Variants in TRIM23 observed in about 807,000 individuals in gnomAD.
TRIM23 encodes tripartite motif containing 23.
TRIM23 carries 27 observed loss-of-function variants against 71.0 expected under a neutral mutation model. The ratio of observed to expected loss-of-function variants is 0.38; its 90% confidence interval spans 0.28 to 0.52. The LOEUF is 0.52. TRIM23 is among the 20% of genes least tolerant of loss of function. The probability of loss-of-function intolerance (pLI) is 0.84; values close to 1 mark genes in which losing one functional copy is unlikely to be tolerated. For synonymous variants in TRIM23, 234 were observed against 238.0 expected (o/e 0.98, Z 0.16); for missense variants, 482 against 692.3 (o/e 0.70, Z 3.41).
intron 6 of TRIM23, chr5:65,607,133 T>A (rs1754530008): frequency 6.6e-6 from 1 of 152,368 alleles, no homozygotes; most frequent in Middle Eastern, 3.4e-3. Context: ...TGATGTTCCA[T>A]CCATTCCTCT....
chr5:65,597,011 G>C, intron 8 of TRIM23, 40 bp downstream of exon 8: 1 of 1,606,506 alleles, frequency 6.2e-7, no homozygotes, highest in Non-Finnish European at 8.5e-7. Flanking sequence ...CTGTAAGCTA[G>C]GGTTTGTCTA....
intron 5 of TRIM23, 63 bp downstream of exon 5, chr5:65,610,798 T>C: frequency 7.1e-7 from 1 of 1,409,268 alleles, no homozygotes; most frequent in Non-Finnish European, 9.6e-7. Context: ...AATTACTTAG[T>C]AGAAGGTGAA....
intron 2 of TRIM23, among the ~76,000 whole-genome samples, chr5:65,614,600 C>T (rs1439837011): frequency 5.3e-5 from 8 of 151,650 alleles, no homozygotes; most frequent in African/African-American, 1.9e-4. Context: ...CCAGGTGTGG[C>T]GTCAGGCGCC....
intron 5 of TRIM23, 67 bp downstream of exon 5, chr5:65,610,794 T>A (rs187625577): frequency 7.2e-7 from 1 of 1,388,588 alleles, no homozygotes; most frequent in Admixed American, 2.4e-5. Flanking sequence ...CATTAATTAC[T>A]TAGTAGAAGG....
Position 65,597,063 on chromosome 5 carries a change from T to C in TRIM23, c.1297A>G (p.Ile433Val). The C allele has an allele frequency of 6.2e-7, 1 of 1,614,102 alleles. No homozygotes were observed. Among genetic ancestry groups the C allele is most frequent in the South Asian group, 1.1e-5 (1 of 91,074 alleles). Residue 433 changes from isoleucine to valine, a missense_variant, in exon 8 of 11, where the codon ATT becomes GTT. This residue lies in a region of TRIM23 where 307 missense variants were observed against 495.8 expected (regional missense o/e 0.62). Transcript: ENST00000231524. ...KLKQDEFMQP[I>V]PTIGFNVETV... ...TATTCATACTTACCAATTGTTGGAATGGGCTGCATGAATTCATCCTGTTTT... is the reference window on the plus strand; with the variant it reads ...TATTCATACTTACCAATTGTTGGAACGGGCTGCATGAATTCATCCTGTTTT...
intron 7 of TRIM23, among the ~76,000 whole-genome samples, chr5:65,603,682 CAT>C (rs1285846223): frequency 6.6e-6 from 1 of 151,708 alleles, no homozygotes; most frequent in Non-Finnish European, 1.5e-5. Context: ...ATTGTGAAAA[CAT>C]AATTAAATTA....
chr5:65,611,650 G>C lies in TRIM23; in HGVS notation c.598C>G (p.Leu200Val). 3 of 1,614,200 alleles carry C rather than the reference G, an allele frequency of 1.9e-6. No individual in the cohort carries two copies. The highest frequency in any genetic ancestry group is 2.5e-6 in the Non-Finnish European group (3 of 1,180,034). The stretch of plus-strand genomic sequence containing the variant: ...TATTCTTTGCAGACACAGCACATGA[G>C]TGGGCTAGTTTGACAACCTTCTTCC... The part of the protein sequence containing the change: ...CLEEGCQTSP[L>V]MCCVCKEYGK... The change falls in exon 4 of 11, where the codon CTC (leucine) becomes GTC (valine). Residue 200 changes from leucine to valine, a missense_variant. Leu to Val is a conservative substitution (Grantham distance 32). Coordinates refer to ENST00000231524, the MANE Select transcript of TRIM23 (RefSeq NM_001656.4).
At chr5:65,599,497 C>A (rs1754304632) in intron 7 of TRIM23, among the ~76,000 whole-genome samples, 1 of 151,960 alleles carries the variant, frequency 6.6e-6, no homozygotes, top group African/African-American at 2.4e-5. Context: ...ATGGCAAAAA[C>A]CACTATTACT....
In TRIM23 at chr5:65,594,603, C is replaced by T; in HGVS notation, c.1463G>A (p.Ser488Asn). 6.2e-7 allele frequency: 1 copy of T among 1,611,672 alleles called. No homozygotes were observed. Among genetic ancestry groups the T allele is most frequent in the Non-Finnish European group, 8.5e-7 (1 of 1,179,116 alleles). Residue 488 changes from serine (S) to asparagine (N), a missense_variant, in exon 10 of 11, where the codon AGT becomes AAT. This residue lies in a region of TRIM23 where 307 missense variants were observed against 495.8 expected (regional missense o/e 0.62). Coordinates refer to ENST00000231524, the MANE Select transcript of TRIM23 (RefSeq NM_001656.4). Reference protein sequence around the residue: ...VVDSSHRDRISEAHSELAKLL... With the variant: ...VVDSSHRDRINEAHSELAKLL... Reference sequence around the variant, plus strand: ...CTTTGCAAGTTCGCTGTGTGCTTCACTAATTCTGTCTCTATGACTGCTATC... The same window carrying T: ...CTTTGCAAGTTCGCTGTGTGCTTCATTAATTCTGTCTCTATGACTGCTATC...
chr5:65,595,293 C>T (rs899270340), intron 9 of TRIM23, among the ~76,000 whole-genome samples: 2 of 151,898 alleles, frequency 1.3e-5, no homozygotes, highest in African/African-American at 2.4e-5. Context: ...CGCGGTGGCT[C>T]GTGCCTCTAA....
chr5:65,591,718 G>A lies in TRIM23; in HGVS notation c.*51C>T, dbSNP rs755268241. The A allele has an allele frequency of 2.6e-6, 4 of 1,556,010 alleles. No homozygotes were observed. Among genetic ancestry groups the A allele is most frequent in the Non-Finnish European group, 3.5e-6 (4 of 1,147,740 alleles). ...TGTATAATTTCTTAAAACATACTATGTGCAAAGTTACTTTTAACCACAAAA... is the reference window on the plus strand; with the variant it reads ...TGTATAATTTCTTAAAACATACTATATGCAAAGTTACTTTTAACCACAAAA... On this transcript the variant is annotated 3_prime_UTR_variant, in exon 11 of 11. Coordinates refer to ENST00000231524, the MANE Select transcript of TRIM23 (RefSeq NM_001656.4).
chr5:65,598,002 T>G (rs1040987629), intron 7 of TRIM23, among the ~76,000 whole-genome samples: 3 of 152,216 alleles, frequency 2.0e-5, no homozygotes, highest in South Asian at 2.1e-4. Flanking sequence ...CTTACTCCTT[T>G]GAGCACTCTT....
Position 65,614,137 on chromosome 5 carries a change from C to T in TRIM23, c.327G>A (p.Gln109=). The change falls in exon 3 of 11, where the codon CAG becomes CAA. Residue 109 remains glutamine, a synonymous_variant. Coordinates refer to ENST00000231524, the MANE Select transcript of TRIM23 (RefSeq NM_001656.4). ...CAATGGATTCTTCTGCAGCTCCATA[C>T]TGACCAATAGGCCCATTCTGCAGTC... ...LERLQNGPIG[Q]YGAAEESIGI... The T allele has an allele frequency of 1.2e-6, 2 of 1,614,068 alleles. No individual in the cohort carries two copies. Among genetic ancestry groups the T allele is most frequent in the South Asian group, 2.2e-5 (2 of 91,084 alleles).
chr5:65,609,304 A>G lies in TRIM23; in HGVS notation c.983T>C (p.Met328Thr), dbSNP rs747495401. ...AGAAACCTCTGACAACAAAATAGTC[A>G]TATCTTCTTGTTGCTGCCTGAGCCA... is the stretch of plus-strand genomic sequence containing the variant. The part of the protein sequence containing the change: ...LIWLRQQQED[M>T]TILLSEVSAA... Residue 328 changes from methionine to threonine, a missense_variant, in exon 6 of 11, where the codon ATG becomes ACG. Physicochemically the swap from Met to Thr is moderately conservative, Grantham distance 81. Around this residue, in one of 2 missense-constraint regions of TRIM23, gnomAD observed 307 missense variants for 495.8 expected, o/e 0.62. Coordinates refer to ENST00000231524, the MANE Select transcript of TRIM23 (RefSeq NM_001656.4). The G allele has an allele frequency of 1.2e-6, 2 of 1,614,222 alleles. No individual in the cohort carries two copies. Among genetic ancestry groups the G allele is most frequent in the Non-Finnish European group, 1.7e-6 (2 of 1,180,038 alleles).
chr5:65,615,649 C>T (rs920038921), intron 2 of TRIM23, among the ~76,000 whole-genome samples: 1 of 152,096 alleles, frequency 6.6e-6, no homozygotes, highest in Admixed American at 6.6e-5. Flanking sequence ...CTACAACAAG[C>T]TGAGTTCTAT....
At chr5:65,612,173 C>G (rs891637019) in intron 3 of TRIM23, among the ~76,000 whole-genome samples, 8 of 152,110 alleles carry the variant, frequency 5.3e-5, no homozygotes, top group Non-Finnish European at 1.0e-4. Flanking sequence ...CCACCAAATC[C>G]CCTCACTTTA....
At position 65,590,143 on chromosome 5, in the gene TRIM23, CTT is replaced by C. The variant is rs959332771; in HGVS notation, c.*1624_*1625del. On this transcript the variant is annotated 3_prime_UTR_variant, in exon 11 of 11. Transcript: ENST00000231524. ...GAAGCAAGTTCACCTTAGTGTTACA[CTT>C]TTTCTTCAATTAACTAGTAAACAGT... The C allele has an allele frequency of 3.8e-6, 2 of 529,232 alleles. No homozygotes were observed. The highest frequency in any genetic ancestry group is 2.0e-5 in the African/African-American group (1 of 50,674). The allele number at this position is 529,232 out of a possible 1,614,324, so 32.8% of individuals were successfully genotyped here.
rs1256884958 is a variant in TRIM23, at chr5:65,614,144, A to G, written c.320T>C (p.Ile107Thr). ...ELLERLQNGP[I>T]GQYGAAEESI... is the part of the protein sequence containing the mutation. Reference sequence around the variant, plus strand: ...TTCTTCTGCAGCTCCATACTGACCAATAGGCCCATTCTGCAGTCGTTCCAA... The same window carrying G: ...TTCTTCTGCAGCTCCATACTGACCAGTAGGCCCATTCTGCAGTCGTTCCAA... Residue 107 changes from isoleucine to threonine, a missense_variant, in exon 3 of 11, where the codon ATT (isoleucine) becomes ACT (threonine). Physicochemically the swap from Ile to Thr is moderately conservative, Grantham distance 89. Coordinates refer to ENST00000231524, the MANE Select transcript of TRIM23 (RefSeq NM_001656.4). The G allele has an allele frequency of 3.1e-6, 5 of 1,614,090 alleles. No individual in the cohort carries two copies. Among genetic ancestry groups the G allele is most frequent in the Admixed American group, 1.7e-5 (1 of 60,022 alleles).
At chr5:65,600,341 G>A (rs1410213597) in intron 7 of TRIM23, among the ~76,000 whole-genome samples, 4 of 152,120 alleles carry the variant, frequency 2.6e-5, no homozygotes, top group Non-Finnish European at 5.9e-5. Flanking sequence ...CAGAACAGAA[G>A]AGAGAGCCCA....
Sources: allele counts gnomAD v4.1 joint callset (sites outside exome capture counted in the v4.1 genomes callset), GRCh38; gene constraint gnomAD v4.1.1; regional missense constraint gnomAD v4.1.1; transcripts MANE v1.5; gene names NCBI Gene and HGNC (gene_info 2026-07-23, HGNC 2026-07-21).